Variants in DLG2 observed in about 807,000 individuals in gnomAD.
DLG2 encodes the protein disks large homolog 2.
DLG2 carries 45 observed loss-of-function variants against 132.5 expected under a neutral mutation model. The observed-to-expected ratio is 0.34, with a 90% CI of 0.27 to 0.44. The LOEUF is 0.44. DLG2 is among the 20% of genes least tolerant of loss of function. The probability of loss-of-function intolerance (pLI) is 1.00; values close to 1 mark genes in which losing one functional copy is unlikely to be tolerated. For synonymous variants in DLG2, 424 were observed against 419.6 expected, an observed-to-expected ratio of 1.01 and a Z score of -0.13; for missense variants, 1,045 against 1,196.9, an observed-to-expected ratio of 0.87 and a Z score of 1.87.
intron 4 of DLG2, among the ~76,000 whole-genome samples, chr11:85,180,871 C>G (rs942776293): frequency 2.0e-5 from 3 of 151,730 alleles, no homozygotes; most frequent in African/African-American, 7.3e-5. Flanking sequence ...ACTGAGGTTT[C>G]TGACATGAAT....
chr11:83,627,673 T>C (rs1005719123), intron 19 of DLG2, among the ~76,000 whole-genome samples: 1 of 152,240 alleles, frequency 6.6e-6, no homozygotes, highest in East Asian at 1.9e-4. Flanking sequence ...GCAATAAACA[T>C]GCGTGTGCAT....
chr11:84,772,356 A>AAC (rs1203784128), intron 6 of DLG2, among the ~76,000 whole-genome samples: 1 of 147,126 alleles, frequency 6.8e-6, no homozygotes, highest in Non-Finnish European at 1.5e-5. Context: ...GTAGGATTTC[A>AAC]ACACACCACT....
intron 6 of DLG2, among the ~76,000 whole-genome samples, chr11:84,609,705 C>A (rs1039179492): frequency 3.3e-5 from 5 of 152,190 alleles, no homozygotes; most frequent in Admixed American, 3.3e-4. Context: ...TTATCAGATT[C>A]CCTGCCTTCC....
intron 18 of DLG2, among the ~76,000 whole-genome samples, chr11:83,688,156 G>A (rs186086245): frequency 2.4e-4 from 36 of 152,232 alleles, no homozygotes; most frequent in African/African-American, 6.7e-4. Context: ...TAATTACCAC[G>A]AAATTATTCT....
At chr11:83,846,936 C>A (rs4944449) in intron 16 of DLG2, among the ~76,000 whole-genome samples, 136,216 of 136,382 alleles carry the variant, frequency 1, 68,025 homozygotes, top group Middle Eastern at 1. Context: ...CATTATCTCC[C>A]AAGCCAAAAA....
intron 7 of DLG2, among the ~76,000 whole-genome samples, chr11:84,398,630 GT>G (rs1230387667): frequency 6.6e-6 from 1 of 152,160 alleles, no homozygotes; most frequent in Non-Finnish European, 1.5e-5. Context: ...ATCCAGTAGT[GT>G]AGGTGATATC....
intron 8 of DLG2, among the ~76,000 whole-genome samples, chr11:84,191,207 G>T (rs940346177): frequency 1.3e-5 from 2 of 151,972 alleles, no homozygotes; most frequent in African/African-American, 4.8e-5. Flanking sequence ...ACTGAGTTTT[G>T]ATCTCCACTT....
intron 6 of DLG2, among the ~76,000 whole-genome samples, chr11:84,943,349 C>T (rs2049743055): frequency 6.6e-6 from 1 of 151,860 alleles, no homozygotes; most frequent in Non-Finnish European, 1.5e-5. Context: ...TGCCTTCCTG[C>T]CTGCCTTTCT....
chr11:84,697,006 T>C (rs894344019), intron 6 of DLG2, among the ~76,000 whole-genome samples: 2 of 151,364 alleles, frequency 1.3e-5, no homozygotes, highest in African/African-American at 2.4e-5. Flanking sequence ...GGTACCTCAG[T>C]AGACTTTGGG....
At chr11:85,526,242 C>A (rs542820676) in intron 3 of DLG2, among the ~76,000 whole-genome samples, 1 of 152,168 alleles carries the variant, frequency 6.6e-6, no homozygotes, top group South Asian at 2.1e-4. Context: ...ATACAGAGCA[C>A]TTCATAATTA....
intron 5 of DLG2, among the ~76,000 whole-genome samples, chr11:85,128,515 C>A (rs1327600815): frequency 2.0e-5 from 3 of 152,066 alleles, no homozygotes; most frequent in African/African-American, 7.2e-5. Flanking sequence ...ATATCAAATC[C>A]TTTATGTTAT....
intron 18 of DLG2, among the ~76,000 whole-genome samples, chr11:83,645,511 A>C (rs2067903109): frequency 6.6e-6 from 1 of 152,176 alleles, no homozygotes; most frequent in African/African-American, 2.4e-5. Context: ...GGAAATAATA[A>C]AAGTAAGTAA....
At chr11:83,481,216 G>T (rs530863088) in intron 22 of DLG2, among the ~76,000 whole-genome samples, 11 of 152,106 alleles carry the variant, frequency 7.2e-5, no homozygotes, top group Non-Finnish European at 1.6e-4. Flanking sequence ...ACTCCAAATT[G>T]TTTTTTCATA....
intron 8 of DLG2, among the ~76,000 whole-genome samples, chr11:84,232,293 C>G (rs1294234589): frequency 6.6e-6 from 1 of 152,076 alleles, no homozygotes; most frequent in Non-Finnish European, 1.5e-5. Context: ...TTGTTACCTA[C>G]TTTGACAAGA....
At chr11:84,821,989 G>A (rs2077754386) in intron 6 of DLG2, among the ~76,000 whole-genome samples, 1 of 151,730 alleles carries the variant, frequency 6.6e-6, no homozygotes, top group African/African-American at 2.4e-5. Context: ...ACTGCCAAAT[G>A]CTATTGTTAT....
chr11:84,360,120 G>A (rs1221772169), intron 7 of DLG2, among the ~76,000 whole-genome samples: 2 of 151,760 alleles, frequency 1.3e-5, no homozygotes, highest in African/African-American at 4.8e-5. Flanking sequence ...TCAATGAAAG[G>A]AAATGAAATA....
intron 6 of DLG2, among the ~76,000 whole-genome samples, chr11:84,538,492 G>A (rs574831309): frequency 2.0e-5 from 3 of 152,206 alleles, no homozygotes; most frequent in East Asian, 1.9e-4. Flanking sequence ...GACAAATCCC[G>A]TGATGTGAAT....
intron 4 of DLG2, among the ~76,000 whole-genome samples, chr11:85,252,294 T>G (rs980388713): frequency 6.6e-6 from 1 of 152,208 alleles, no homozygotes; most frequent in African/African-American, 2.4e-5. Context: ...TTATGGCCCA[T>G]CATTACATCA....
At chr11:83,468,962 G>C (rs1457744500) in intron 25 of DLG2, among the ~76,000 whole-genome samples, 1 of 152,184 alleles carries the variant, frequency 6.6e-6, no homozygotes, top group African/African-American at 2.4e-5. Flanking sequence ...GCCTCAGATA[G>C]TGAGTCAAAG....
Sources: allele counts gnomAD v4.1 joint callset (sites outside exome capture counted in the v4.1 genomes callset), GRCh38; gene constraint gnomAD v4.1.1; transcripts MANE v1.5; gene names NCBI Gene and HGNC (gene_info 2026-07-23, HGNC 2026-07-21).